DNER: variants seen among roughly 807,000 people sequenced by gnomAD.
DNER encodes the protein delta/notch like EGF repeat containing.
DNER carries 33 observed loss-of-function variants against 78.2 expected under a neutral mutation model. The ratio of observed to expected loss-of-function variants is 0.42; its 90% CI spans 0.32 to 0.56. The LOEUF (loss-of-function observed/expected upper bound fraction) is 0.56, where lower values mean the gene tolerates loss of function less well. Ranked by LOEUF, DNER falls within the 20% of genes least tolerant of loss-of-function variation. DNER has a pLI of 0.11. For missense variants in DNER, 918 were observed against 975.3 expected (o/e 0.94, Z 0.78); for synonymous variants, 417 against 384.8 (o/e 1.08, Z -0.98).
chr2:229,641,983 A>G (rs1199405380), intron 1 of DNER, among the ~76,000 whole-genome samples: 2 of 152,222 alleles, frequency 1.3e-5, no homozygotes, highest in South Asian at 2.1e-4. Context: ...AGAGAGAGAA[A>G]GTAATCAGAG....
In DNER at chr2:229,370,633, C is replaced by G. The variant is rs532454864; in HGVS notation, c.1856-3514G>C. ...CAACTCATTTTTCTGGCTGAAAAAG[C>G]AAGCGTGATTCACTTCATTTCCAAG... is the stretch of plus-strand genomic sequence containing the variant. On this transcript the variant is annotated intron_variant, in intron 11 of 12. Transcript: ENST00000341772. 4.6e-4 allele frequency among the ~76,000 whole-genome samples: 70 copies of G among 152,308 alleles called. 1 individual carries two copies. The South Asian group carries it at 0.014, about 31-fold the overall frequency.
chr2:229,366,000 T>C (rs994547214), intron 12 of DNER, among the ~76,000 whole-genome samples: 2 of 152,232 alleles, frequency 1.3e-5, no homozygotes, highest in African/African-American at 4.8e-5. Context: ...TTTAATGTTA[T>C]ATAATAGATT....
intron 2 of DNER, among the ~76,000 whole-genome samples, chr2:229,590,953 C>A (rs1197095755): frequency 6.6e-6 from 1 of 152,152 alleles, no homozygotes; most frequent in Non-Finnish European, 1.5e-5. Context: ...TTTTCTGGGA[C>A]CTCTCCCTTC....
intron 2 of DNER, among the ~76,000 whole-genome samples, chr2:229,589,638 A>G (rs1697564706): frequency 6.6e-6 from 1 of 152,138 alleles, no homozygotes; most frequent in Admixed American, 6.5e-5. Flanking sequence ...TCTTTTTTAC[A>G]CTTACCAACT....
intron 1 of DNER, among the ~76,000 whole-genome samples, 175 bp downstream of exon 1, chr2:229,713,973 G>A (rs1699950562): frequency 6.6e-6 from 1 of 152,156 alleles, no homozygotes; most frequent in African/African-American, 2.4e-5. Flanking sequence ...AAGGGAATCA[G>A]GGTCGGCCCG....
chr2:229,383,160 C>A (rs1271438976), intron 11 of DNER, among the ~76,000 whole-genome samples: 1 of 152,126 alleles, frequency 6.6e-6, no homozygotes, highest in East Asian at 1.9e-4. Context: ...TCCAGCCAAC[C>A]TAAGTTTCGT....
intron 6 of DNER, among the ~76,000 whole-genome samples, chr2:229,500,944 C>G (rs60409302): frequency 2.0e-5 from 3 of 151,842 alleles, no homozygotes; most frequent in Admixed American, 2.0e-4. Flanking sequence ...TGAGAACATA[C>G]GATGTTTGGT....
At chr2:229,448,189 A>T (rs190167798) in intron 7 of DNER, among the ~76,000 whole-genome samples, 1 of 152,222 alleles carries the variant, frequency 6.6e-6, no homozygotes, top group African/African-American at 2.4e-5. Context: ...CAGCAATAAA[A>T]AAAAAAATAA....
intron 11 of DNER, among the ~76,000 whole-genome samples, chr2:229,381,169 G>A (rs1372779659): frequency 6.6e-6 from 1 of 151,984 alleles, no homozygotes; most frequent in Non-Finnish European, 1.5e-5. Context: ...AAACACAAGG[G>A]GTCAAGAAAC....
chr2:229,599,093 G>C (rs1021400693), intron 1 of DNER, among the ~76,000 whole-genome samples: 5 of 152,084 alleles, frequency 3.3e-5, no homozygotes, highest in African/African-American at 1.2e-4. Context: ...CAAATTCTGG[G>C]CAGTGGGTGG....
intron 12 of DNER, among the ~76,000 whole-genome samples, chr2:229,360,050 G>A (rs1345696432): frequency 1.3e-5 from 2 of 152,222 alleles, no homozygotes; most frequent in Non-Finnish European, 2.9e-5. Flanking sequence ...CTAGCCTGCA[G>A]TTTGTTCACC....
intron 4 of DNER, among the ~76,000 whole-genome samples, chr2:229,556,681 A>G (rs766367975): frequency 9.2e-5 from 14 of 152,232 alleles, no homozygotes; most frequent in Non-Finnish European, 1.8e-4. Flanking sequence ...TGAAGTTCTT[A>G]GAGACAACTC....
intron 11 of DNER, among the ~76,000 whole-genome samples, chr2:229,381,525 T>C (rs1185436765): frequency 1.3e-5 from 2 of 152,158 alleles, no homozygotes; most frequent in Non-Finnish European, 2.9e-5. Flanking sequence ...TAAGATCCAC[T>C]GGCTTGAAAT....
At chr2:229,535,380 A>C (rs1240459886) in intron 5 of DNER, among the ~76,000 whole-genome samples, 1 of 152,142 alleles carries the variant, frequency 6.6e-6, no homozygotes, top group Non-Finnish European at 1.5e-5. Context: ...AAGTTCTGAA[A>C]ACAAAAGCAC....
intron 4 of DNER, among the ~76,000 whole-genome samples, chr2:229,581,379 G>A (rs533002594): frequency 6.6e-6 from 1 of 152,246 alleles, no homozygotes; most frequent in African/African-American, 2.4e-5. Flanking sequence ...GAGCACCTCC[G>A]ATGCTCCCCG....
intron 11 of DNER, among the ~76,000 whole-genome samples, chr2:229,382,233 G>T (rs370545965): frequency 3.3e-5 from 5 of 152,148 alleles, no homozygotes; most frequent in South Asian, 2.1e-4. Context: ...CAACAAAAAG[G>T]ATGTCCACAC....
intron 4 of DNER, among the ~76,000 whole-genome samples, chr2:229,583,601 T>C (rs1697441121): frequency 6.6e-6 from 1 of 152,228 alleles, no homozygotes; most frequent in African/African-American, 2.4e-5. Context: ...TAAGGACATT[T>C]TAAAGAGTAG....
At chr2:229,513,519 T>C (rs761246403) in intron 5 of DNER, among the ~76,000 whole-genome samples, 1 of 152,230 alleles carries the variant, frequency 6.6e-6, no homozygotes, top group African/African-American at 2.4e-5. Flanking sequence ...AACATTATCT[T>C]AGTAAAAGAC....
chr2:229,574,798 T>C (rs1341474983), intron 4 of DNER, among the ~76,000 whole-genome samples: 1 of 152,194 alleles, frequency 6.6e-6, no homozygotes, highest in Non-Finnish European at 1.5e-5. Flanking sequence ...TCCTTCTCTT[T>C]CTTCCTCTCT....
Sources: allele counts gnomAD v4.1 joint callset (sites outside exome capture counted in the v4.1 genomes callset), GRCh38; gene constraint gnomAD v4.1.1; transcripts MANE v1.5; gene names NCBI Gene and HGNC (gene_info 2026-07-23, HGNC 2026-07-21).